The following CYP26C1 variants were observed in gnomAD, a reference collection of about 807,000 sequenced individuals.
The protein encoded by CYP26C1 is cytochrome P450 26C1.
In CYP26C1, 41 loss-of-function variants were observed where a neutral mutation model predicts 39.1. That is an observed-to-expected ratio of 1.05 (90% CI 0.82 to 1.36). The LOEUF (loss-of-function observed/expected upper bound fraction) is 1.36, where lower values mean the gene tolerates loss of function less well. Among genes scored for constraint, CYP26C1 ranks in the 40% most tolerant of loss-of-function variants. The pLI, the probability that CYP26C1 is intolerant of heterozygous loss-of-function variation, is 0.00. For missense variants in CYP26C1, 833 were observed against 752.0 expected, an observed-to-expected ratio of 1.11 and a Z score of -1.26; for synonymous variants, 362 against 350.8, an observed-to-expected ratio of 1.03 and a Z score of -0.36.
chr10:93,062,210 C>A lies in CYP26C1; in HGVS notation c.405C>A (p.Gly135=). The change falls in exon 2 of 6, where the codon GGC becomes GGA. Residue 135 remains glycine (G), a synonymous_variant. Transcript: ENST00000651965. ...CGCACACACTGCTAGGTGCGGTCGG[C>A]GAGCCGCACCGGCGGCGGCGCAAGG... The part of the protein sequence containing the change: ...LGSHTLLGAV[G]EPHRRRRKVL... 1.3e-6 allele frequency: 2 copies of A among 1,523,146 alleles called. No homozygotes were observed. The highest frequency in any genetic ancestry group is 4.9e-5 in the East Asian group (2 of 40,622). 94.4% of individuals were successfully genotyped at this position (1,523,146 alleles called of 1,614,324 possible).
chr10:93,066,132 G>A lies in CYP26C1; in HGVS notation c.1038G>A (p.Glu346=). The A allele has an allele frequency of 1.5e-6, 2 of 1,339,858 alleles. No homozygotes were observed. Among genetic ancestry groups the A allele is most frequent in the Non-Finnish European group, 1.9e-6 (2 of 1,049,826 alleles). The allele number at this position is 1,339,858 out of a possible 1,614,324, so 83.0% of individuals were successfully genotyped here. A position where few individuals can be genotyped will look rare whatever the true frequency, so the allele number is the denominator to read the frequency against. The change falls in exon 5 of 6, where the codon GAG becomes GAA. Residue 346 remains glutamate, a synonymous_variant. Coordinates refer to ENST00000651965, the MANE Select transcript of CYP26C1 (RefSeq NM_183374.3). ...GCAPGAAGGS[E]GPPPDCGCEP... ...CGCCCGGGGCCGCTGGGGGCAGCGA[G>A]GGGCCCCCGCCCGACTGCGGCTGCG... is the stretch of plus-strand genomic sequence containing the variant.
chr10:93,062,733 T>TG lies in CYP26C1; in HGVS notation c.444dup (p.Phe149ValfsTer20), dbSNP rs1446118451. ...GCGCTCCCACAGGTCCTGGCGCGCG[T>TG]GTTCAGCCGCGCCGCGCTGGAGCGC... On this transcript the variant is annotated frameshift_variant, in exon 3 of 6. Transcript: ENST00000651965. LOFTEE classifies it high-confidence loss of function. 7.0e-7 allele frequency: 1 copy of TG among 1,430,396 alleles called. No homozygotes were observed. 88.6% of individuals were successfully genotyped at this position (1,430,396 alleles called of 1,614,324 possible).
chr10:93,062,053 T>A lies in CYP26C1; in HGVS notation c.248T>A (p.Val83Glu). 4.4e-6 allele frequency: 7 copies of A among 1,580,422 alleles called. No individual in the cohort carries two copies. Among genetic ancestry groups the A allele is most frequent in the Non-Finnish European group, 6.0e-6 (7 of 1,164,260 alleles). Residue 83 changes from valine to glutamate, a missense_variant, in exon 2 of 6, where the codon GTG becomes GAG. By Grantham distance (121) the Val-to-Glu change is moderately radical. Transcript: ENST00000651965. ...HSSRRERYGT[V>E]FKTHLLGRPV... ...TCTCGCCGAGAGCGCTATGGGACAG[T>A]GTTCAAGACGCACCTGCTGGGCAGG...
chr10:93,066,125 G>T lies in CYP26C1; in HGVS notation c.1031G>T (p.Gly344Val). 2.2e-6 allele frequency: 3 copies of T among 1,334,422 alleles called. No homozygotes were observed. The highest frequency in any genetic ancestry group is 2.9e-6 in the Non-Finnish European group (3 of 1,047,358). The allele number at this position is 1,334,422 out of a possible 1,614,324, so 82.7% of individuals were successfully genotyped here. The change falls in exon 5 of 6, where the codon GGC becomes GTC. Residue 344 changes from glycine (G) to valine (V), a missense_variant. Transcript: ENST00000651965. ...ACGCAPGAAG[G>V]SEGPPPDCGC... Reference sequence around the variant, plus strand: ...GGCTGCGCGCCCGGGGCCGCTGGGGGCAGCGAGGGGCCCCCGCCCGACTGC... The same window carrying T: ...GGCTGCGCGCCCGGGGCCGCTGGGGTCAGCGAGGGGCCCCCGCCCGACTGC...
chr10:93,062,276 CGGTCCCCGGCAT>C (rs1564951310), intron 2 of CYP26C1, 42 bp downstream of exon 2: 3 of 1,482,680 alleles, frequency 2.0e-6, no homozygotes, highest in Non-Finnish European at 2.7e-6. Flanking sequence ...GTCGGATCCG[CGGTCCCCGGCAT>C]CTGCCATGGG....
At position 93,060,987 on chromosome 10, in the gene CYP26C1, G is replaced by C; in HGVS notation, c.-277G>C. ...CCCGAGGCAGCAGGCACCTTCGAGA[G>C]GGACTGGCATTTGGGCCCAGGAGCC... On this transcript the variant is annotated 5_prime_UTR_variant, in exon 1 of 6. Coordinates refer to ENST00000651965, the MANE Select transcript of CYP26C1 (RefSeq NM_183374.3). 2.1e-6 allele frequency: 1 copy of C among 474,340 alleles called. No homozygotes were observed. Among genetic ancestry groups the C allele is most frequent in the Admixed American group, 4.3e-5 (1 of 23,376 alleles). 29.4% of individuals were successfully genotyped at this position (474,340 alleles called of 1,614,324 possible).
Position 93,064,004 on chromosome 10 carries a change from G to A in CYP26C1, c.706-377G>A, listed in dbSNP as rs936484746. On this transcript the variant is annotated intron_variant, in intron 3 of 5. Transcript: ENST00000651965. ...GGTGCATCAAGGTACCCCAGCCTGA[G>A]CCTAGTACAGGGAAAGGGCAATGGG... 4.8e-6 allele frequency: 5 copies of A among 1,033,514 alleles called. No homozygotes were observed. The African/African-American group carries it at 6.8e-5, about 14-fold the overall frequency. The allele number at this position is 1,033,514 out of a possible 1,614,324, so 64.0% of individuals were successfully genotyped here.
Position 93,068,318 on chromosome 10 carries a change from A to G in CYP26C1, c.1192-2A>G, listed in dbSNP as rs1846852690. On this transcript the variant is annotated splice_acceptor_variant, in intron 5 of 5. Coordinates refer to ENST00000651965, the MANE Select transcript of CYP26C1 (RefSeq NM_183374.3). LOFTEE classifies it high-confidence loss of function. ...CAGGCTGATCTCCTCGCCTCTCTGC[A>G]GGGCTACCAGATCCCCAAGGGCTGG... The G allele has an allele frequency of 2.7e-6, 4 of 1,508,406 alleles. No homozygotes were observed. In the African/African-American group the frequency reaches 5.6e-5, roughly 21 times the overall value. The allele number at this position is 1,508,406 out of a possible 1,614,324, so 93.4% of individuals were successfully genotyped here. A position where few individuals can be genotyped will look rare whatever the true frequency, so the allele number is the denominator to read the frequency against.
chr10:93,068,390 ACCGC>A lies in CYP26C1; in HGVS notation c.1263_1266del (p.Tyr421Ter), dbSNP rs1339582853. On this transcript the variant is annotated frameshift_variant, in exon 6 of 6. Coordinates refer to ENST00000651965, the MANE Select transcript of CYP26C1 (RefSeq NM_183374.3). LOFTEE classifies it high-confidence loss of function. ...GACACGCACGAGACGGCTGCGGTGTACCGCAGCCCTCCCGAAGGCTTCGATCCAG... is the reference window on the plus strand; with the variant it reads ...GACACGCACGAGACGGCTGCGGTGTAAGCCCTCCCGAAGGCTTCGATCCAG... 31 of 1,604,216 alleles carry A rather than the reference ACCGC, an allele frequency of 1.9e-5. No homozygotes were observed. In the South Asian group the frequency reaches 3.2e-4, roughly 17 times the overall value.
chr10:93,063,111 C>T (rs1418876009), intron 3 of CYP26C1, 116 bp downstream of exon 3: 18 of 1,441,370 alleles, frequency 1.2e-5, no homozygotes, highest in African/African-American at 1.5e-5. Context: ...CTGCTGGGAA[C>T]GGCGGCAGGG....
chr10:93,064,589 C>G, intron 4 of CYP26C1, 53 bp downstream of exon 4: 2 of 1,572,440 alleles, frequency 1.3e-6, no homozygotes, highest in Non-Finnish European at 8.6e-7. Flanking sequence ...CCAGCAGGTC[C>G]CTACACCAAT....
In CYP26C1 at chr10:93,061,432, C is replaced by A. The variant is rs1403784882; in HGVS notation, c.169C>A (p.Pro57Thr). The change falls in exon 1 of 6, where the codon CCC becomes ACC. Residue 57 changes from proline to threonine, a missense_variant. Transcript: ENST00000651965. ...TCTGCCCAAGGGCTCCATGGGGTGG[C>A]CCTTCTTCGGCGAAACGCTGCACTG... ...LPLPKGSMGWPFFGETLHWLV... is the reference protein window; with the variant it reads ...LPLPKGSMGWTFFGETLHWLV... 8.4e-6 allele frequency: 13 copies of A among 1,555,116 alleles called. No homozygotes were observed. The highest frequency in any genetic ancestry group is 1.9e-5 in the Admixed American group (1 of 51,600).
Position 93,068,572 on chromosome 10 carries a change from T to G in CYP26C1, c.1444T>G (p.Trp482Gly), listed in dbSNP as rs1323908520. 1 of 1,594,278 alleles carries G rather than the reference T, an allele frequency of 6.3e-7. No homozygotes were observed. Among genetic ancestry groups the G allele is most frequent in the South Asian group, 1.1e-5 (1 of 88,856 alleles). Residue 482 changes from tryptophan to glycine, a missense_variant, in exon 6 of 6, where the codon TGG (tryptophan) becomes GGG (glycine). Coordinates refer to ENST00000651965, the MANE Select transcript of CYP26C1 (RefSeq NM_183374.3). Reference sequence around the variant, plus strand: ...TGTGGAGCTAGTGCGCACCGCGCGCTGGGAACTGGCCACACCCGCCTTCCC... The same window carrying G: ...TGTGGAGCTAGTGCGCACCGCGCGCGGGGAACTGGCCACACCCGCCTTCCC... ...LAVELVRTAR[W>G]ELATPAFPAM...
rs776562214 is a variant in CYP26C1 at position 93,068,374 on chromosome 10, G to T, written c.1246G>T (p.Glu416Ter). ...GATGTATAGCATCCGGGACACGCACGAGACGGCTGCGGTGTACCGCAGCCC... is the reference window on the plus strand; with the variant it reads ...GATGTATAGCATCCGGGACACGCACTAGACGGCTGCGGTGTACCGCAGCCC... Reference protein sequence around the residue: ...SVMYSIRDTHETAAVYRSPPE... With the variant: ...SVMYSIRDTH The change falls in exon 6 of 6, where the codon GAG (glutamate) becomes TAG (stop). Residue 416 changes from glutamate to a stop codon, truncating the protein, a stop_gained. Transcript: ENST00000651965. LOFTEE classifies it high-confidence loss of function. 2.5e-6 allele frequency: 4 copies of T among 1,576,332 alleles called. No homozygotes were observed. The African/African-American group carries it at 4.1e-5, about 16-fold the overall frequency.
rs1214458178 is a variant in CYP26C1 at position 93,068,985 on chromosome 10, A to C, written c.*288A>C. On this transcript the variant is annotated 3_prime_UTR_variant, in exon 6 of 6. Transcript: ENST00000651965. ...CCAAGCAGGAATGGAGGGAATAGAT[A>C]GATCCCCACGAGGTGCTGCTTGGCT... 5.3e-6 allele frequency: 2 copies of C among 378,128 alleles called. No homozygotes were observed. The highest frequency in any genetic ancestry group is 9.6e-5 in the Admixed American group (2 of 20,754). 23.4% of individuals were successfully genotyped at this position (378,128 alleles called of 1,614,324 possible). A position where few individuals can be genotyped will look rare whatever the true frequency, so the allele number is the denominator to read the frequency against.
chr10:93,061,316 C>G lies in CYP26C1; in HGVS notation c.53C>G (p.Ala18Gly). The change falls in exon 1 of 6, where the codon GCT becomes GGT. Residue 18 changes from alanine to glycine, a missense_variant. Ala to Gly is a moderately conservative substitution (Grantham distance 60). Transcript: ENST00000651965. ...TCAGTGCTGGGGGCGGCGGGCACTGCTCTCCTGTGCGCGGGCCTGCTGCTC... is the reference window on the plus strand; with the variant it reads ...TCAGTGCTGGGGGCGGCGGGCACTGGTCTCCTGTGCGCGGGCCTGCTGCTC... ...CLSVLGAAGT[A>G]LLCAGLLLSL... The G allele has an allele frequency of 6.3e-7, 1 of 1,596,866 alleles. No individual in the cohort carries two copies. Among genetic ancestry groups the G allele is most frequent in the East Asian group, 2.3e-5 (1 of 44,198 alleles).
Position 93,064,432 on chromosome 10 carries a change from G to A in CYP26C1, c.757G>A (p.Glu253Lys). The A allele has an allele frequency of 6.2e-7, 1 of 1,614,140 alleles. No homozygotes were observed. Among genetic ancestry groups the A allele is most frequent in the African/African-American group, 1.3e-5 (1 of 75,072 alleles). ...LHRHLEGAIS[E>K]KLHEDKAAEP... ...TCGGCACCTGGAGGGGGCCATTTCTGAGAAGCTTCACGAGGACAAGGCTGC... is the reference window on the plus strand; with the variant it reads ...TCGGCACCTGGAGGGGGCCATTTCTAAGAAGCTTCACGAGGACAAGGCTGC... The change falls in exon 4 of 6, where the codon GAG becomes AAG. Residue 253 changes from glutamate to lysine, a missense_variant. Glu to Lys is a moderately conservative substitution (Grantham distance 56). Transcript: ENST00000651965.
In CYP26C1 at chr10:93,066,081, G is replaced by C; in HGVS notation, c.987G>C (p.Gln329His). The C allele has an allele frequency of 1.4e-6, 2 of 1,385,752 alleles. No individual in the cohort carries two copies. Among genetic ancestry groups the C allele is most frequent in the Non-Finnish European group, 1.9e-6 (2 of 1,073,284 alleles). 85.8% of individuals were successfully genotyped at this position (1,385,752 alleles called of 1,614,324 possible). The change falls in exon 5 of 6, where the codon CAG becomes CAC. Residue 329 changes from glutamine (Q) to histidine (H), a missense_variant. Coordinates refer to ENST00000651965, the MANE Select transcript of CYP26C1 (RefSeq NM_183374.3). ...AGATTCGGGAGGAGCTGGTGGCGCA[G>C]GGGCTGGGGCGCGCGTGCGGCTGCG... ...IAKIREELVAQGLGRACGCAP... is the reference protein window; with the variant it reads ...IAKIREELVAHGLGRACGCAP...
At position 93,062,156 on chromosome 10, in the gene CYP26C1, G is replaced by A. The variant is rs749868410; in HGVS notation, c.351G>A (p.Trp117Ter). Residue 117 changes from tryptophan to a stop codon, truncating the protein, a stop_gained, in exon 2 of 6, where the codon TGG (tryptophan) becomes TGA (stop). Transcript: ENST00000651965. LOFTEE classifies it high-confidence loss of function. ...LGEHRLVRSQ[W>*]PQSAHILLGS... is the part of the protein sequence containing the mutation. ...AGCACCGCCTGGTGCGCAGCCAGTG[G>A]CCGCAGAGTGCGCACATCCTGCTGG... 33 of 1,540,892 alleles carry A rather than the reference G, an allele frequency of 2.1e-5. No individual in the cohort carries two copies. Among genetic ancestry groups the A allele is most frequent in the African/African-American group, 4.1e-5 (3 of 73,064 alleles).
Sources: gnomAD v4.1 joint callset for allele counts on GRCh38, gnomAD v4.1.1 for gene constraint, MANE v1.5 for transcripts, NCBI Gene and HGNC (gene_info 2026-07-23, HGNC 2026-07-21) for gene names.